OR7D4: variants seen among roughly 807,000 people sequenced by gnomAD.
OR7D4 encodes the protein olfactory receptor family 7 subfamily D member 4, also known as olfactory receptor 7D4.
For missense variants in OR7D4, 319 were observed against 377.1 expected (o/e 0.85, Z 1.27); for synonymous variants, 154 against 158.4 (o/e 0.97, Z 0.21).
rs61732668 is a variant in OR7D4 at position 9,214,602 on chromosome 19, G to A, written c.236C>T (p.Pro79Leu). The A allele has an allele frequency of 6.4e-3, 10,365 of 1,614,070 alleles. 549 individuals are homozygous for A. The African/African-American group carries it at 0.12, about 19-fold the overall frequency. The change falls in exon 2 of 2, where the codon CCC becomes CTC. Residue 79 changes from proline (P) to leucine (L), a missense_variant. Transcript: ENST00000641669. Reference protein sequence around the residue: ...VDICFISTTVPKMLVSIQARS... With the variant: ...VDICFISTTVLKMLVSIQARS... ...TGCCTGGATGCTCACTAGCATCTTG[G>A]GGACTGTGGTGGAGATGAAACAGAT...
At chr19:9,217,741 G>T (rs1438986154) in intron 1 of OR7D4, among the ~76,000 whole-genome samples, 1 of 152,128 alleles carries the variant, frequency 6.6e-6, no homozygotes, top group Non-Finnish European at 1.5e-5. Context: ...GTTTCACCTT[G>T]TTAGCCAGGC....
chr19:9,213,767 A>G lies in OR7D4; in HGVS notation c.*132T>C, dbSNP rs2051187597. On this transcript the variant is annotated 3_prime_UTR_variant, in exon 2 of 2. Transcript: ENST00000641669. ...ACAATAACAATAACAACAACAAACA[A>G]CCCAATAACAACAACCAAAAATCCC... 3.0e-6 allele frequency: 2 copies of G among 662,016 alleles called. No individual in the cohort carries two copies. The highest frequency in any genetic ancestry group is 1.8e-5 in the African/African-American group (1 of 54,658). The allele number at this position is 662,016 out of a possible 1,614,324, so 41.0% of individuals were successfully genotyped here.
intron 1 of OR7D4, among the ~76,000 whole-genome samples, chr19:9,218,991 T>G (rs2051237349): frequency 6.6e-6 from 1 of 152,078 alleles, no homozygotes; most frequent in Admixed American, 6.5e-5. Flanking sequence ...CAGAAATAAT[T>G]GTATTATTTC....
chr19:9,214,554 A>T lies in OR7D4; in HGVS notation c.284T>A (p.Met95Lys). The T allele has an allele frequency of 1.2e-6, 2 of 1,614,164 alleles. No individual in the cohort carries two copies. Among genetic ancestry groups the T allele is most frequent in the Non-Finnish European group, 1.7e-6 (2 of 1,180,012 alleles). Residue 95 changes from methionine (M) to lysine (K), a missense_variant, in exon 2 of 2, where the codon ATG (methionine) becomes AAG (lysine). By Grantham distance (95) the Met-to-Lys change is moderately conservative. Coordinates refer to ENST00000641669, the MANE Select transcript of OR7D4 (RefSeq NM_001005191.3). Reference protein sequence around the residue: ...IQARSKDISYMGCLTQVYFLM... With the variant: ...IQARSKDISYKGCLTQVYFLM... ...AAAATACACCTGAGTGAGGCACCCC[A>T]TGTAGGAGATGTCTTTGCTCCGTGC...
At position 9,212,402 on chromosome 19, in the gene OR7D4, G is replaced by A. The variant is rs1599221182; in HGVS notation, c.*1497C>T. On this transcript the variant is annotated 3_prime_UTR_variant, in exon 2 of 2. Transcript: ENST00000641669. ...ACAGAAAATACTGGCTACCAAATTT[G>A]CAGGATGCAAATTAGGATTAGTATG... 6.6e-6 allele frequency: 1 copy of A among 152,106 alleles called. No homozygotes were observed. The highest frequency in any genetic ancestry group is 1.5e-5 in the Non-Finnish European group (1 of 68,022). 9.4% of individuals were successfully genotyped at this position (152,106 alleles called of 1,614,324 possible). A position where few individuals can be genotyped will look rare whatever the true frequency, so the allele number is the denominator to read the frequency against.
intron 1 of OR7D4, among the ~76,000 whole-genome samples, chr19:9,215,640 T>C (rs10418711): frequency 0.013 from 2,016 of 152,220 alleles, 55 homozygotes; most frequent in African/African-American, 0.047. Context: ...ATTAAATTAT[T>C]GATATTACTT....
At chr19:9,218,430 A>G (rs1377556501) in intron 1 of OR7D4, among the ~76,000 whole-genome samples, 1 of 152,210 alleles carries the variant, frequency 6.6e-6, no homozygotes, top group Admixed American at 6.5e-5. Flanking sequence ...AATGCATTTG[A>G]AAAAGATTAT....
intron 1 of OR7D4, among the ~76,000 whole-genome samples, chr19:9,215,105 G>A (rs931159124): frequency 1.3e-5 from 2 of 152,106 alleles, no homozygotes; most frequent in Non-Finnish European, 2.9e-5. Context: ...AGCACTTTGG[G>A]AGGACAAGGT....
chr19:9,218,086 G>A (rs759080398), intron 1 of OR7D4, among the ~76,000 whole-genome samples: 1 of 152,256 alleles, frequency 6.6e-6, no homozygotes, highest in South Asian at 2.1e-4. Context: ...CAGTGGTTGC[G>A]ATTGTTTTGT....
At chr19:9,217,634 G>A (rs2051224554) in intron 1 of OR7D4, among the ~76,000 whole-genome samples, 1 of 152,128 alleles carries the variant, frequency 6.6e-6, no homozygotes. Flanking sequence ...TGCCTCCCAG[G>A]TTCAAGCGAT....
Position 9,210,500 on chromosome 19 carries a change from G to A in OR7D4, c.*3399C>T, listed in dbSNP as rs1189653541. 1 of 152,208 alleles carries A rather than the reference G, an allele frequency of 6.6e-6. No homozygotes were observed. Among genetic ancestry groups the A allele is most frequent in the Non-Finnish European group, 1.5e-5 (1 of 68,116 alleles). The allele number at this position is 152,208 out of a possible 1,614,324, so 9.4% of individuals were successfully genotyped here. Reference sequence around the variant, plus strand: ...ATGGTGGCGCAGGAGGATTACTTGAGGCCAGGAATTCAAGGCTGCAGTGAG... The same window carrying A: ...ATGGTGGCGCAGGAGGATTACTTGAAGCCAGGAATTCAAGGCTGCAGTGAG... On this transcript the variant is annotated 3_prime_UTR_variant, in exon 2 of 2. Transcript: ENST00000641669.
chr19:9,216,189 C>G (rs1334750185), intron 1 of OR7D4, among the ~76,000 whole-genome samples: 1 of 152,162 alleles, frequency 6.6e-6, no homozygotes, highest in Non-Finnish European at 1.5e-5. Flanking sequence ...TGAGATCTGC[C>G]ACCCCCTGCA....
In OR7D4 at chr19:9,212,379, A is replaced by G. The variant is rs2051178186; in HGVS notation, c.*1520T>C. 1 of 152,244 alleles carries G rather than the reference A, an allele frequency of 6.6e-6. No homozygotes were observed. The highest frequency in any genetic ancestry group is 2.1e-4 in the South Asian group (1 of 4,830). The allele number at this position is 152,244 out of a possible 1,614,324, so 9.4% of individuals were successfully genotyped here. A position where few individuals can be genotyped will look rare whatever the true frequency, so the allele number is the denominator to read the frequency against. On this transcript the variant is annotated 3_prime_UTR_variant, in exon 2 of 2. Transcript: ENST00000641669. ...ATTTATTGCAGGTATTTGAATAAAC[A>G]GAAAATACTGGCTACCAAATTTGCA...
chr19:9,213,214 A>G lies in OR7D4; in HGVS notation c.*685T>C, dbSNP rs1450714063. Reference sequence around the variant, plus strand: ...CTAAGGTGAGGAACATCAACATTCAACAGGATAATTTTTGAGGAAACCAGG... The same window carrying G: ...CTAAGGTGAGGAACATCAACATTCAGCAGGATAATTTTTGAGGAAACCAGG... On this transcript the variant is annotated 3_prime_UTR_variant, in exon 2 of 2. Coordinates refer to ENST00000641669, the MANE Select transcript of OR7D4 (RefSeq NM_001005191.3). 6.6e-6 allele frequency: 1 copy of G among 152,222 alleles called. No individual in the cohort carries two copies. Among genetic ancestry groups the G allele is most frequent in the Non-Finnish European group, 1.5e-5 (1 of 68,076 alleles). 9.4% of individuals were successfully genotyped at this position (152,222 alleles called of 1,614,324 possible).
At position 9,217,167 on chromosome 19, in the gene OR7D4, C is replaced by T. The variant is rs549886736; in HGVS notation, c.-14+2033G>A. On this transcript the variant is annotated intron_variant, in intron 1 of 1. Coordinates refer to ENST00000641669, the MANE Select transcript of OR7D4 (RefSeq NM_001005191.3). ...ACAAGATGAGAAAAGAAAGGGACACCGCCATTAGAATCAAAGACAAGGCCT... is the reference window on the plus strand; with the variant it reads ...ACAAGATGAGAAAAGAAAGGGACACTGCCATTAGAATCAAAGACAAGGCCT... 1.9e-4 allele frequency among the ~76,000 whole-genome samples: 29 copies of T among 152,154 alleles called. No individual in the cohort carries two copies. In the East Asian group the frequency reaches 1.9e-3, roughly 10 times the overall value.
At position 9,213,827 on chromosome 19, in the gene OR7D4, C is replaced by T. The variant is rs911903373; in HGVS notation, c.*72G>A. 12 of 1,067,046 alleles carry T rather than the reference C, an allele frequency of 1.1e-5. No individual in the cohort carries two copies. Among genetic ancestry groups the T allele is most frequent in the African/African-American group, 1.1e-4 (7 of 62,708 alleles). 66.1% of individuals were successfully genotyped at this position (1,067,046 alleles called of 1,614,324 possible). A position where few individuals can be genotyped will look rare whatever the true frequency, so the allele number is the denominator to read the frequency against. ...ACATTTTTTAAAAGAGAAAAAGAGC[C>T]GGATATTTAAACCCACAACATTTGC... On this transcript the variant is annotated 3_prime_UTR_variant, in exon 2 of 2. Transcript: ENST00000641669.
chr19:9,217,168 G>A (rs1007747422), intron 1 of OR7D4, among the ~76,000 whole-genome samples: 7 of 152,268 alleles, frequency 4.6e-5, no homozygotes, highest in African/African-American at 1.2e-4. Flanking sequence ...AAGGGACACC[G>A]CCATTAGAAT....
Position 9,215,973 on chromosome 19 carries a change from C to T in OR7D4, c.-13-1123G>A, listed in dbSNP as rs914009809. On this transcript the variant is annotated intron_variant, in intron 1 of 1. Coordinates refer to ENST00000641669, the MANE Select transcript of OR7D4 (RefSeq NM_001005191.3). ...CGTGGCTGGGGAAGCCTTATAATCA[C>T]GGTGGAAGGCAAGGAGGAGCAAGTC... Among the ~76,000 whole-genome samples the T allele has an allele frequency of 3.0e-4, 45 of 152,132 alleles. 2 individuals are homozygous for T. The highest frequency in any genetic ancestry group is 9.6e-4 in the African/African-American group (40 of 41,494).
In OR7D4 at chr19:9,213,962, C is replaced by T. The variant is rs2051189428; in HGVS notation, c.876G>A (p.Leu292=). ...GGGCCCCCTTCACATCCTTGTTCCT[C>T]AGGCTGTAGATGAAGGGGTTCAGCA... ...TPMLNPFIYS[L]RNKDVKGALE... is the part of the protein sequence containing the mutation. The change falls in exon 2 of 2, where the codon CTG becomes CTA. Residue 292 remains leucine (L), a synonymous_variant. Coordinates refer to ENST00000641669, the MANE Select transcript of OR7D4 (RefSeq NM_001005191.3). The T allele has an allele frequency of 6.2e-7, 1 of 1,614,164 alleles. No individual in the cohort carries two copies. Among genetic ancestry groups the T allele is most frequent in the Middle Eastern group, 1.6e-4 (1 of 6,062 alleles).
Sources: gnomAD v4.1 joint callset for allele counts (sites outside exome capture counted in the v4.1 genomes callset) on GRCh38, gnomAD v4.1.1 for gene constraint, MANE v1.5 for transcripts, NCBI Gene and HGNC (gene_info 2026-07-23, HGNC 2026-07-21) for gene names.